The following ANKDD1A variants were observed in gnomAD, a reference collection of about 807,000 sequenced individuals.
ANKDD1A encodes ankyrin repeat and death domain-containing protein 1A.
A neutral mutation model predicts 63.5 loss-of-function variants in ANKDD1A; 59 were observed. The ratio of observed to expected loss-of-function variants is 0.93; its 90% CI spans 0.75 to 1.15. The LOEUF is 1.15. Among genes scored for constraint, ANKDD1A ranks in the 50% most tolerant of loss-of-function variants. The pLI is 0.00. For missense variants in ANKDD1A, 632 were observed against 656.4 expected, an observed-to-expected ratio of 0.96 and a Z score of 0.41; for synonymous variants, 266 against 263.9, an observed-to-expected ratio of 1.01 and a Z score of -0.08.
At chr15:64,939,451 C>CA (rs545884077) in intron 9 of ANKDD1A, among the ~76,000 whole-genome samples, 2 of 152,006 alleles carry the variant, frequency 1.3e-5, no homozygotes, top group African/African-American at 4.8e-5. Context: ...ACTGTCTCTA[C>CA]AAAAAAACTT....
At chr15:64,936,434 C>T (rs763887558) in intron 9 of ANKDD1A, among the ~76,000 whole-genome samples, 12 of 152,174 alleles carry the variant, frequency 7.9e-5, no homozygotes, top group Admixed American at 3.3e-4. Context: ...GTTTTTGCTG[C>T]CTATTTATTT....
intron 1 of ANKDD1A, among the ~76,000 whole-genome samples, chr15:64,914,420 C>T (rs541007401): frequency 9.9e-4 from 151 of 152,126 alleles, no homozygotes; most frequent in African/African-American, 3.0e-3. Context: ...CTTGAGTAGC[C>T]GGGACTACAG....
rs769107394 is a variant in ANKDD1A, at chr15:64,926,091, C to T, written c.392C>T (p.Ala131Val). ...SKDGLTLLHC[A>V]AQKGHVPVLA... ...GATGGCCTGACCTTACTGCACTGCG[C>T]AGCCCAAAAAGGCCATGTGCCTGTG... The change falls in exon 5 of 15, where the codon GCA becomes GTA. Residue 131 changes from alanine to valine, a missense_variant. Physicochemically the swap from Ala to Val is moderately conservative, Grantham distance 64. Coordinates refer to ENST00000319580, the MANE Select transcript of ANKDD1A (RefSeq NM_182703.6). 30 of 1,613,802 alleles carry T rather than the reference C, an allele frequency of 1.9e-5. No individual in the cohort carries two copies. Among genetic ancestry groups the T allele is most frequent in the Non-Finnish European group, 2.5e-5 (29 of 1,179,954 alleles).
At chr15:64,928,615 A>G (rs1158662516) in intron 6 of ANKDD1A, among the ~76,000 whole-genome samples, 2 of 152,230 alleles carry the variant, frequency 1.3e-5, no homozygotes, top group African/African-American at 2.4e-5. Flanking sequence ...TAGACCTCTT[A>G]GAGTCAATGA....
At chr15:64,950,631 T>G in intron 14 of ANKDD1A, 1 of 985,104 alleles carries the variant, frequency 1.0e-6, no homozygotes, top group Non-Finnish European at 1.2e-6. Context: ...GAAGTCTCCA[T>G]TAGATATGAG....
At chr15:64,935,847 GAA>G (rs577374491) in intron 9 of ANKDD1A, among the ~76,000 whole-genome samples, 4 of 147,154 alleles carry the variant, frequency 2.7e-5, no homozygotes, top group African/African-American at 7.5e-5. Context: ...GTCTCAAAAA[GAA>G]AAAAAAAAGT....
At chr15:64,952,810 CCTCCT>C (rs2085321618) in intron 14 of ANKDD1A, among the ~76,000 whole-genome samples, 3 of 141,020 alleles carry the variant, frequency 2.1e-5, no homozygotes, top group African/African-American at 2.6e-5. Context: ...TTCTCCTTCT[CCTCCT>C]TCTTCCTCCT....
intron 1 of ANKDD1A, among the ~76,000 whole-genome samples, chr15:64,914,672 A>G (rs943183041): frequency 7.9e-5 from 12 of 152,200 alleles, no homozygotes; most frequent in African/African-American, 2.9e-4. Flanking sequence ...GGAAGGGTCA[A>G]GTGTGGCCAG....
intron 8 of ANKDD1A, chr15:64,931,975 C>A (rs2085094893): frequency 7.7e-6 from 2 of 258,914 alleles, no homozygotes; most frequent in Non-Finnish European, 7.4e-6. Context: ...CTCACTGTAA[C>A]CTCCGCCTCC....
chr15:64,943,598 A>G lies in ANKDD1A; in HGVS notation c.1065+16A>G. Reference sequence around the variant, plus strand: ...GAGAGATAAGGTACCTCTGCTTACAACCCACCTCGCTTCAGGCTTTCATGG... The same window carrying G: ...GAGAGATAAGGTACCTCTGCTTACAGCCCACCTCGCTTCAGGCTTTCATGG... On this transcript the variant is annotated intron_variant, in intron 11 of 14. Transcript: ENST00000319580. 1.2e-6 allele frequency: 2 copies of G among 1,612,582 alleles called. No individual in the cohort carries two copies. The highest frequency in any genetic ancestry group is 1.3e-5 in the African/African-American group (1 of 74,982).
At chr15:64,947,323 G>A (rs2085231171) in intron 12 of ANKDD1A, 81 bp from the exon 13 acceptor site, 2 of 1,452,310 alleles carry the variant, frequency 1.4e-6, no homozygotes, top group Non-Finnish European at 9.4e-7. Context: ...TGGTAGGAGG[G>A]TCATAGGGGC....
intron 14 of ANKDD1A, chr15:64,950,179 G>A: frequency 1.0e-6 from 1 of 985,396 alleles, no homozygotes; most frequent in Non-Finnish European, 1.2e-6. Flanking sequence ...CAATGAGGGT[G>A]TTGGCCCAAA....
intron 12 of ANKDD1A, among the ~76,000 whole-genome samples, chr15:64,946,368 T>C (rs1286758724): frequency 1.3e-5 from 2 of 152,214 alleles, no homozygotes; most frequent in Non-Finnish European, 2.9e-5. Context: ...AATTGGTAGA[T>C]AAATTTCAGT....
At chr15:64,926,521 T>C (rs1046084638) in intron 5 of ANKDD1A, among the ~76,000 whole-genome samples, 6 of 151,842 alleles carry the variant, frequency 4.0e-5, no homozygotes, top group Admixed American at 3.9e-4. Context: ...AGAGCGAGGC[T>C]TGTGGGAGCT....
intron 9 of ANKDD1A, among the ~76,000 whole-genome samples, chr15:64,934,666 A>T (rs1378001751): frequency 1.7e-5 from 2 of 119,886 alleles, no homozygotes; most frequent in Non-Finnish European, 1.7e-5. Flanking sequence ...TGCCCAGCTA[A>T]TTTTTTTTTT....
At chr15:64,954,373 CCTTT>C (rs2085383389) in intron 14 of ANKDD1A, among the ~76,000 whole-genome samples, 1 of 27,142 alleles carries the variant, frequency 3.7e-5, no homozygotes, top group Non-Finnish European at 4.9e-4. Context: ...CCTTCTTCTT[CCTTT>C]TCTTTTCTTC....
intron 13 of ANKDD1A, among the ~76,000 whole-genome samples, chr15:64,948,422 C>G (rs2085240797): frequency 6.6e-6 from 1 of 152,022 alleles, no homozygotes. Flanking sequence ...TACAATTTGT[C>G]TGGAAGAATA....
At chr15:64,951,378 TTTTTC>T (rs796925279) in intron 14 of ANKDD1A, 80 of 427,550 alleles carry the variant, frequency 1.9e-4, no homozygotes, top group Non-Finnish European at 2.1e-4. Context: ...TTCTTCTTTC[TTTTTC>T]TTTTCTTCTT....
At chr15:64,952,073 CTTCTTCCTTCT>C (rs2085296489) in intron 14 of ANKDD1A, among the ~76,000 whole-genome samples, 57 of 4,898 alleles carry the variant, frequency 0.012, no homozygotes, top group Non-Finnish European at 0.062. Context: ...TTCCTTTCTT[CTTCTTCCTTCT>C]TTTCTTCCTC....
Sources: gnomAD v4.1 joint callset for allele counts (sites outside exome capture counted in the v4.1 genomes callset) on GRCh38, gnomAD v4.1.1 for gene constraint, MANE v1.5 for transcripts, NCBI Gene and HGNC (gene_info 2026-07-23, HGNC 2026-07-21) for gene names.